Variants in RABGAP1L observed in about 807,000 individuals in gnomAD.
The protein encoded by RABGAP1L is RAB GTPase activating protein 1 like, also known as rab GTPase-activating protein 1-like.
In RABGAP1L, 63 loss-of-function variants were observed where a neutral mutation model predicts 137.7. That is an observed-to-expected ratio of 0.46 (90% CI 0.37 to 0.56). The LOEUF (loss-of-function observed/expected upper bound fraction) is 0.56, where lower values mean the gene tolerates loss of function less well. RABGAP1L is among the 20% of genes least tolerant of loss of function. The probability of loss-of-function intolerance (pLI) is 0.00; values close to 1 mark genes in which losing one functional copy is unlikely to be tolerated. For synonymous variants in RABGAP1L, 431 were observed against 433.7 expected, an observed-to-expected ratio of 0.99 and a Z score of 0.08; for missense variants, 1,095 against 1,244.0, an observed-to-expected ratio of 0.88 and a Z score of 1.80.
At chr1:174,468,688 A>G (rs1450603115) in intron 13 of RABGAP1L, among the ~76,000 whole-genome samples, 6 of 152,060 alleles carry the variant, frequency 3.9e-5, no homozygotes, top group African/African-American at 1.4e-4. Flanking sequence ...AGAAGAAATC[A>G]TAGACACTAC....
rs78236679 is a variant in RABGAP1L, at chr1:174,470,659, T to C, written c.1710+76514T>C. Among the ~76,000 whole-genome samples, 11 of 152,074 alleles carry C rather than the reference T, an allele frequency of 7.2e-5. No individual in the cohort carries two copies. The East Asian group carries it at 2.1e-3, about 29-fold the overall frequency. ...GTGGATGCCTGTAGTCCCAGCTACT[T>C]GGGAGGCTGAGGCAGGAGAATAGCT... is the stretch of plus-strand genomic sequence containing the variant. On this transcript the variant is annotated intron_variant, in intron 13 of 25. Coordinates refer to ENST00000681986, the MANE Select transcript of RABGAP1L (RefSeq NM_001366446.1).
intron 1 of RABGAP1L, among the ~76,000 whole-genome samples, chr1:174,205,052 A>T (rs910415289): frequency 6.6e-6 from 1 of 152,126 alleles, no homozygotes; most frequent in Non-Finnish European, 1.5e-5. Context: ...GCTTCTCTTG[A>T]GATAATCACG....
At chr1:174,696,518 GC>G (rs1679272011) in intron 15 of RABGAP1L, among the ~76,000 whole-genome samples, 1 of 152,142 alleles carries the variant, frequency 6.6e-6, no homozygotes, top group South Asian at 2.1e-4. Context: ...GGCCTAGACT[GC>G]TTTTCAAATT....
chr1:174,531,589 C>T (rs1036586982), intron 13 of RABGAP1L, among the ~76,000 whole-genome samples: 1 of 152,034 alleles, frequency 6.6e-6, no homozygotes, highest in South Asian at 2.1e-4. Context: ...AGACACCAGC[C>T]AGGGGCAGCT....
intron 12 of RABGAP1L, among the ~76,000 whole-genome samples, chr1:174,383,464 T>G (rs61828652): frequency 1.3e-5 from 2 of 152,028 alleles, no homozygotes; most frequent in Non-Finnish European, 2.9e-5. Flanking sequence ...TAGGACCCTC[T>G]GAGCCAGGTG....
intron 13 of RABGAP1L, among the ~76,000 whole-genome samples, chr1:174,585,462 C>T (rs2148106967): frequency 6.6e-6 from 1 of 152,290 alleles, no homozygotes; most frequent in Non-Finnish European, 1.5e-5. Flanking sequence ...GAAGTGAGAA[C>T]AGATGGTCTT....
chr1:174,850,622 T>C (rs1648142852), intron 19 of RABGAP1L, among the ~76,000 whole-genome samples: 1 of 152,216 alleles, frequency 6.6e-6, no homozygotes, highest in Non-Finnish European at 1.5e-5. Context: ...GTAGGCATAA[T>C]TTCTTAAATA....
At chr1:174,548,542 A>G in intron 13 of RABGAP1L, 9 of 973,706 alleles carry the variant, frequency 9.2e-6, no homozygotes, top group Non-Finnish European at 1.1e-5. Flanking sequence ...TTTTCAAAAC[A>G]GTAAAATCAC....
intron 13 of RABGAP1L, among the ~76,000 whole-genome samples, chr1:174,499,633 A>G (rs895432897): frequency 2.0e-5 from 3 of 152,216 alleles, no homozygotes; most frequent in African/African-American, 4.8e-5. Flanking sequence ...TTCCTTGGTT[A>G]TGAAATGGGA....
At chr1:174,348,822 G>A (rs1337585889) in intron 11 of RABGAP1L, among the ~76,000 whole-genome samples, 1 of 151,872 alleles carries the variant, frequency 6.6e-6, no homozygotes, top group Non-Finnish European at 1.5e-5. Flanking sequence ...ATTTTTCTTA[G>A]TGCAGAACAA....
chr1:174,317,286 A>C (rs1679470066), intron 11 of RABGAP1L, among the ~76,000 whole-genome samples: 1 of 152,024 alleles, frequency 6.6e-6, no homozygotes. Context: ...TCAGGGGCTC[A>C]CCCAAGGCCC....
rs115635029 is a variant in RABGAP1L, at chr1:174,410,134, C to T, written c.1710+15989C>T. The stretch of plus-strand genomic sequence containing the variant: ...GGTTTTGTGGCCCAGGTGGGCATCA[C>T]GGTCCTACAGATATGCTGTGTCACC... On this transcript the variant is annotated intron_variant, in intron 13 of 25. Coordinates refer to ENST00000681986, the MANE Select transcript of RABGAP1L (RefSeq NM_001366446.1). 9.5e-3 allele frequency among the ~76,000 whole-genome samples: 1,450 copies of T among 152,256 alleles called. 23 individuals carry two copies. The highest frequency in any genetic ancestry group is 0.033 in the African/African-American group (1,390 of 41,534).
At chr1:174,787,610 T>C (rs1474210943) in intron 18 of RABGAP1L, among the ~76,000 whole-genome samples, 2 of 152,024 alleles carry the variant, frequency 1.3e-5, no homozygotes, top group African/African-American at 4.8e-5. Flanking sequence ...ATTGGAAAGG[T>C]AGGATAGATC....
At chr1:174,732,714 A>G (rs1682590368) in intron 17 of RABGAP1L, among the ~76,000 whole-genome samples, 1 of 152,346 alleles carries the variant, frequency 6.6e-6, no homozygotes, top group East Asian at 1.9e-4. Context: ...AAATCCACAC[A>G]ATGAAGCTGG....
chr1:174,651,765 C>G (rs1477213958), intron 14 of RABGAP1L, among the ~76,000 whole-genome samples: 1 of 152,190 alleles, frequency 6.6e-6, no homozygotes, highest in Non-Finnish European at 1.5e-5. Context: ...ATACAGCACA[C>G]TGATAGGTCT....
intron 11 of RABGAP1L, among the ~76,000 whole-genome samples, chr1:174,319,350 A>G (rs946755893): frequency 1.3e-5 from 2 of 152,176 alleles, no homozygotes; most frequent in Non-Finnish European, 2.9e-5. Context: ...TGTGGTATGT[A>G]GAAAAGCAGT....
At chr1:174,753,511 T>C (rs1490567521) in intron 18 of RABGAP1L, among the ~76,000 whole-genome samples, 1 of 152,224 alleles carries the variant, frequency 6.6e-6, no homozygotes, top group Non-Finnish European at 1.5e-5. Context: ...GTGAAGTTCA[T>C]AAGATACACT....
intron 18 of RABGAP1L, among the ~76,000 whole-genome samples, chr1:174,782,266 T>G (rs556185167): frequency 6.6e-6 from 1 of 152,324 alleles, no homozygotes; most frequent in African/African-American, 2.4e-5. Flanking sequence ...CAGTTCTCCT[T>G]GAAGAGGTCC....
At chr1:174,365,745 T>G (rs1392573405) in intron 11 of RABGAP1L, among the ~76,000 whole-genome samples, 1 of 152,236 alleles carries the variant, frequency 6.6e-6, no homozygotes, top group Non-Finnish European at 1.5e-5. Flanking sequence ...CTCATGACTG[T>G]CTCTCCATCC....
Sources: gnomAD v4.1 joint callset for allele counts (sites outside exome capture counted in the v4.1 genomes callset) on GRCh38, gnomAD v4.1.1 for gene constraint, MANE v1.5 for transcripts, NCBI Gene and HGNC (gene_info 2026-07-23, HGNC 2026-07-21) for gene names.